WASHC2C: variants seen among roughly 807,000 people sequenced by gnomAD.
The protein encoded by WASHC2C is WASH complex subunit 2C.
WASHC2C carries 73 observed loss-of-function variants against 142.2 expected under a neutral mutation model. The ratio of observed to expected loss-of-function variants is 0.51; its 90% CI spans 0.43 to 0.62. The LOEUF (loss-of-function observed/expected upper bound fraction) is 0.62. Ranked by LOEUF, WASHC2C falls within the 20% of genes least tolerant of loss-of-function variation. The pLI, the probability that WASHC2C is intolerant of heterozygous loss-of-function variation, is 0.00. For missense variants in WASHC2C, 969 were observed against 1,531.7 expected, an observed-to-expected ratio of 0.63 and a Z score of 6.13; for synonymous variants, 337 against 565.5, an observed-to-expected ratio of 0.60 and a Z score of 5.73.
chr10:45,763,132 G>T (rs564457088), intron 17 of WASHC2C, among the ~76,000 whole-genome samples: 67 of 152,180 alleles, frequency 4.4e-4, no homozygotes, highest in African/African-American at 1.6e-3. Flanking sequence ...TCATTCAGGT[G>T]GGAATACAGA....
intron 18 of WASHC2C, among the ~76,000 whole-genome samples, chr10:45,763,945 G>T (rs191748302): frequency 0.021 from 3,261 of 152,120 alleles, 116 homozygotes; most frequent in African/African-American, 0.073. Flanking sequence ...CAGGTGATCC[G>T]CCTGCCTCGG....
chr10:45,779,779 G>C (rs1422921671), intron 23 of WASHC2C, among the ~76,000 whole-genome samples: 1 of 152,100 alleles, frequency 6.6e-6, no homozygotes, highest in Non-Finnish European at 1.5e-5. Context: ...AAGGTCAAGA[G>C]ATCGAGACCA....
intron 3 of WASHC2C, among the ~76,000 whole-genome samples, chr10:45,732,997 T>G (rs1463243058): frequency 6.6e-6 from 1 of 152,228 alleles, no homozygotes; most frequent in Non-Finnish European, 1.5e-5. Flanking sequence ...CACTCCAGCC[T>G]TCTCATTCCT....
intron 17 of WASHC2C, among the ~76,000 whole-genome samples, chr10:45,761,011 G>C (rs1214814218): frequency 6.6e-6 from 1 of 151,892 alleles, no homozygotes; most frequent in African/African-American, 2.4e-5. Context: ...GAGATGTTCT[G>C]GTTATTTGTT....
chr10:45,738,173 G>A lies in WASHC2C; in HGVS notation c.354+128G>A, dbSNP rs1240408057. 105 of 1,578,806 alleles carry A rather than the reference G, an allele frequency of 6.7e-5. No individual in the cohort carries two copies. The East Asian group carries it at 1.9e-3, about 28-fold the overall frequency. On this transcript the variant is annotated intron_variant, in intron 4 of 30. Coordinates refer to ENST00000623400, the MANE Select transcript of WASHC2C (RefSeq NM_001330074.2). ...AAGGGAGGGACTGCTCCTGACAGCA[G>A]CCCAAGAGGGGATTCTTTCCTTTGT... is the stretch of plus-strand genomic sequence containing the variant.
chr10:45,763,155 C>T (rs1211863631), intron 17 of WASHC2C, among the ~76,000 whole-genome samples: 5 of 152,156 alleles, frequency 3.3e-5, no homozygotes, highest in African/African-American at 1.2e-4. Flanking sequence ...CCCCTGGGCT[C>T]TGCGAGCCCA....
At chr10:45,744,572 C>G (rs1164825132) in intron 6 of WASHC2C, among the ~76,000 whole-genome samples, 10 of 152,098 alleles carry the variant, frequency 6.6e-5, no homozygotes, top group African/African-American at 2.4e-4. Flanking sequence ...TTTTATGACC[C>G]TGACATCTTT....
At chr10:45,728,685 G>A (rs1182301400) in intron 2 of WASHC2C, among the ~76,000 whole-genome samples, 177 bp from the exon 3 acceptor site, 5 of 151,804 alleles carry the variant, frequency 3.3e-5, no homozygotes, top group Non-Finnish European at 7.4e-5. Flanking sequence ...GAGCCGAGAT[G>A]GCGCCACTGT....
At chr10:45,780,720 T>C (rs1347694380) in intron 23 of WASHC2C, among the ~76,000 whole-genome samples, 1 of 151,516 alleles carries the variant, frequency 6.6e-6, no homozygotes, top group Admixed American at 6.6e-5. Context: ...TAATGAACAT[T>C]TACTAACTTA....
rs773611195 is a variant in WASHC2C, at chr10:45,727,495, A to C, written c.82A>C (p.Ile28Leu). The C allele has an allele frequency of 6.2e-7, 1 of 1,605,592 alleles. No individual in the cohort carries two copies. The highest frequency in any genetic ancestry group is 8.5e-7 in the Non-Finnish European group (1 of 1,177,512). Residue 28 changes from isoleucine (I) to leucine (L), a missense_variant, in exon 2 of 31, where the codon ATC becomes CTC. Coordinates refer to ENST00000623400, the MANE Select transcript of WASHC2C (RefSeq NM_001330074.2). ...VWERPWSVEE[I>L]RRSSQSWSLA... ...GGAGCGGCCGTGGTCGGTGGAGGAG[A>C]TCCGCAGGAGCAGCCAGAGCTGGTC...
At chr10:45,728,781 G>T in intron 2 of WASHC2C, 81 bp from the exon 3 acceptor site, 4 of 1,490,038 alleles carry the variant, frequency 2.7e-6, no homozygotes, top group African/African-American at 1.4e-5. Context: ...AAGGTGAAAG[G>T]AAATGGGTTC....
intron 20 of WASHC2C, among the ~76,000 whole-genome samples, chr10:45,769,846 C>G (rs1284414198): frequency 6.6e-6 from 1 of 151,132 alleles, no homozygotes; most frequent in Non-Finnish European, 1.5e-5. Flanking sequence ...TATTTTTTAA[C>G]CATATTCTTT....
Position 45,727,312 on chromosome 10 carries a change from G to C in WASHC2C, c.-6G>C. 6.4e-7 allele frequency: 1 copy of C among 1,573,828 alleles called. No individual in the cohort carries two copies. The highest frequency in any genetic ancestry group is 8.6e-7 in the Non-Finnish European group (1 of 1,160,930). ...GCCTCGGAGCCCACCGAGCCGGGCG[G>C]CTGGGATGGTGAGGGCGGCGGGCCG... On this transcript the variant is annotated 5_prime_UTR_variant, in exon 1 of 31. Coordinates refer to ENST00000623400, the MANE Select transcript of WASHC2C (RefSeq NM_001330074.2).
chr10:45,729,474 A>G (rs2050286176), intron 3 of WASHC2C, among the ~76,000 whole-genome samples: 1 of 152,246 alleles, frequency 6.6e-6, no homozygotes, highest in Non-Finnish European at 1.5e-5. Flanking sequence ...ACTAAAGTTT[A>G]TGATGGCCGA....
At chr10:45,747,923 T>C (rs1418025279) in intron 8 of WASHC2C, among the ~76,000 whole-genome samples, 1 of 140,776 alleles carries the variant, frequency 7.1e-6, no homozygotes, top group East Asian at 2.0e-4. Flanking sequence ...TTCGGTGAAC[T>C]GTTTCTTCAG....
intron 30 of WASHC2C, among the ~76,000 whole-genome samples, chr10:45,791,240 C>T (rs1248155154): frequency 6.6e-6 from 1 of 152,176 alleles, no homozygotes; most frequent in Non-Finnish European, 1.5e-5. Flanking sequence ...TCCAGCAAGC[C>T]GTATGCTCTG....
At chr10:45,749,695 G>C (rs2053295908) in intron 8 of WASHC2C, among the ~76,000 whole-genome samples, 3 of 150,444 alleles carry the variant, frequency 2.0e-5, no homozygotes. Context: ...GCGTAGTGGT[G>C]CATGCGTGTA....
At chr10:45,755,309 CT>C (rs1366684799) in intron 15 of WASHC2C, among the ~76,000 whole-genome samples, 194 bp downstream of exon 15, 1 of 152,300 alleles carries the variant, frequency 6.6e-6, no homozygotes, top group Non-Finnish European at 1.5e-5. Flanking sequence ...CCAATCTTTT[CT>C]GCTCTGTAAG....
At chr10:45,747,182 C>T (rs1192247878) in intron 8 of WASHC2C, among the ~76,000 whole-genome samples, 16 of 152,132 alleles carry the variant, frequency 1.1e-4, no homozygotes, top group Non-Finnish European at 2.1e-4. Context: ...CTCTTGTTGT[C>T]CAGGCTGGAG....
Sources: allele counts gnomAD v4.1 joint callset (sites outside exome capture counted in the v4.1 genomes callset), GRCh38; gene constraint gnomAD v4.1.1; transcripts MANE v1.5; gene names NCBI Gene and HGNC (gene_info 2026-07-23, HGNC 2026-07-21).